EML1: variants seen among roughly 807,000 people sequenced by gnomAD.
EML1 encodes EMAP like 1, also known as echinoderm microtubule-associated protein-like 1.
In EML1, 27 loss-of-function variants were observed where a neutral mutation model predicts 110.4. The ratio of observed to expected loss-of-function variants is 0.24; its 90% CI spans 0.18 to 0.34. The LOEUF (loss-of-function observed/expected upper bound fraction) is 0.34. Ranked by LOEUF, EML1 falls within the 10% of genes least tolerant of loss-of-function variation. The pLI is 1.00. For missense variants in EML1, 741 were observed against 1,030.9 expected (o/e 0.72, Z 3.85); for synonymous variants, 344 against 385.8 (o/e 0.89, Z 1.27).
In EML1 at chr14:99,939,400, A is replaced by G; in HGVS notation, c.2322+73A>G. ...CGTACACCCGACCTGTTTGGAGACTAAGTGGAAATGGGCTGTGAGCGACTG... is the reference window on the plus strand; with the variant it reads ...CGTACACCCGACCTGTTTGGAGACTGAGTGGAAATGGGCTGTGAGCGACTG... On this transcript the variant is annotated intron_variant, in intron 21 of 21. Coordinates refer to ENST00000262233, the MANE Select transcript of EML1 (RefSeq NM_004434.3). The surrounding 1 kb of genome is among the most constrained non-coding windows in gnomAD (Gnocchi z 4.2). 2 of 1,586,358 alleles carry G rather than the reference A, an allele frequency of 1.3e-6. No individual in the cohort carries two copies. Among genetic ancestry groups the G allele is most frequent in the South Asian group, 2.3e-5 (2 of 87,360 alleles).
chr14:99,756,071 A>G (rs887891384), intron 1 of EML1, among the ~76,000 whole-genome samples: 1 of 152,242 alleles, frequency 6.6e-6, no homozygotes, highest in African/African-American at 2.4e-5. Flanking sequence ...ATCTCACCCC[A>G]GGATGGCTTT....
At chr14:99,738,741 G>A (rs528604713) in intron 1 of EML1, among the ~76,000 whole-genome samples, 1 of 152,236 alleles carries the variant, frequency 6.6e-6, no homozygotes, top group Non-Finnish European at 1.5e-5. Flanking sequence ...GTGGGTGCCT[G>A]GGGTGCACTG....
chr14:99,760,461 G>A (rs761148606), intron 1 of EML1, among the ~76,000 whole-genome samples: 26 of 152,122 alleles, frequency 1.7e-4, no homozygotes, highest in Non-Finnish European at 2.8e-4. Context: ...ACTGGCTTTC[G>A]GCATGGAACC....
At chr14:99,867,422 C>T (rs1957507) in intron 3 of EML1, among the ~76,000 whole-genome samples, 53,896 of 151,966 alleles carry the variant, frequency 0.35, 10,385 homozygotes, top group African/African-American at 0.5. Context: ...CTTTGAGTAG[C>T]ATGGAGATTT....
At chr14:99,763,782 A>G (rs2057339547) in intron 1 of EML1, among the ~76,000 whole-genome samples, 2 of 152,184 alleles carry the variant, frequency 1.3e-5, no homozygotes, top group African/African-American at 4.8e-5. Flanking sequence ...AAACACAAGC[A>G]TGGATAATGA....
chr14:99,859,155 T>G (rs1487171339), intron 2 of EML1, among the ~76,000 whole-genome samples: 1 of 152,246 alleles, frequency 6.6e-6, no homozygotes, highest in African/African-American at 2.4e-5. Context: ...TTTAGAATGA[T>G]GAAAAAAATT....
intron 1 of EML1, among the ~76,000 whole-genome samples, chr14:99,844,043 G>A (rs1476954560): frequency 6.6e-6 from 1 of 152,120 alleles, no homozygotes; most frequent in Non-Finnish European, 1.5e-5. Flanking sequence ...CAGAACTACT[G>A]TCCATTCACA....
At chr14:99,910,402 G>A in intron 12 of EML1, 61 bp downstream of exon 12, 1 of 1,333,704 alleles carries the variant, frequency 7.5e-7, no homozygotes, top group Non-Finnish European at 1.1e-6. Flanking sequence ...GATCAAACAT[G>A]AGTGCTTTAA....
At chr14:99,866,067 TC>T (rs1218636737) in intron 3 of EML1, among the ~76,000 whole-genome samples, 27 of 152,288 alleles carry the variant, frequency 1.8e-4, no homozygotes, top group African/African-American at 6.3e-4. Context: ...AACAATGGAG[TC>T]TAAATATTGA....
At chr14:99,831,003 G>C (rs2058440707) in intron 1 of EML1, among the ~76,000 whole-genome samples, 2 of 152,154 alleles carry the variant, frequency 1.3e-5, no homozygotes, top group Non-Finnish European at 2.9e-5. Context: ...CCTGGATCAA[G>C]AATACTGTCC....
intron 3 of EML1, among the ~76,000 whole-genome samples, chr14:99,867,139 G>A (rs2059116503): frequency 6.6e-6 from 1 of 151,962 alleles, no homozygotes; most frequent in Non-Finnish European, 1.5e-5. Flanking sequence ...ATCATATTTT[G>A]TCTATACATT....
intron 12 of EML1, 87 bp downstream of exon 12, chr14:99,910,428 A>G (rs1156363659): frequency 3.8e-5 from 40 of 1,044,822 alleles, no homozygotes; most frequent in Non-Finnish European, 5.6e-5. Flanking sequence ...GTCTATTAAT[A>G]CAACGTACAG....
chr14:99,749,061 T>C (rs2057145606), intron 1 of EML1, among the ~76,000 whole-genome samples: 1 of 152,230 alleles, frequency 6.6e-6, no homozygotes, highest in South Asian at 2.1e-4. Flanking sequence ...TGTTCACCAG[T>C]GGACGGGCAT....
chr14:99,738,047 G>A (rs1209004655), intron 1 of EML1, among the ~76,000 whole-genome samples: 3 of 152,196 alleles, frequency 2.0e-5, no homozygotes, highest in South Asian at 2.1e-4. Context: ...GCTGGGTTCC[G>A]CCACACCCCC....
At chr14:99,739,647 C>CT (rs1168191944) in intron 1 of EML1, among the ~76,000 whole-genome samples, 4 of 152,140 alleles carry the variant, frequency 2.6e-5, no homozygotes, top group Admixed American at 6.5e-5. Context: ...ACGTGACGGT[C>CT]TTTTGTCTCT....
At chr14:99,870,502 C>G (rs1024680730) in intron 3 of EML1, among the ~76,000 whole-genome samples, 1 of 152,184 alleles carries the variant, frequency 6.6e-6, no homozygotes, top group African/African-American at 2.4e-5. Context: ...GTAGATGAAA[C>G]AGCGTTACAT....
At chr14:99,769,433 T>TG (rs1429497471), upstream of EML1, among the ~76,000 whole-genome samples, 1 of 152,210 alleles carries the variant, frequency 6.6e-6, no homozygotes, top group Admixed American at 6.5e-5. Context: ...TAGGCAGTGC[T>TG]GGCCCCAGCC....
rs1017963990 is a variant in EML1, at chr14:99,878,465, C to A, written c.384-20C>A. 3 of 1,596,970 alleles carry A rather than the reference C, an allele frequency of 1.9e-6. No homozygotes were observed. The highest frequency in any genetic ancestry group is 1.1e-5 in the South Asian group (1 of 87,912). The stretch of plus-strand genomic sequence containing the variant: ...GTCACGATATTAAGGAGTTCACTGT[C>A]ACTTCCATTCCACCCTTAGTAACAT... On this transcript the variant is annotated intron_variant, in intron 3 of 21. Transcript: ENST00000262233.
Position 99,936,715 on chromosome 14 carries a change from A to G in EML1, c.2095+381A>G, listed in dbSNP as rs573541142. On this transcript the variant is annotated intron_variant, in intron 19 of 21. Transcript: ENST00000262233. The surrounding 1 kb of genome is among the most constrained non-coding windows in gnomAD (Gnocchi z 5.5). ...GGGCCTGTAAAGGTGTTATCCTCACAGGAGGGACCATGAAGTCCATCCCCG... is the reference window on the plus strand; with the variant it reads ...GGGCCTGTAAAGGTGTTATCCTCACGGGAGGGACCATGAAGTCCATCCCCG... 6.6e-6 allele frequency among the ~76,000 whole-genome samples: 1 copy of G among 152,272 alleles called. No homozygotes were observed. The highest frequency in any genetic ancestry group is 1.9e-4 in the East Asian group (1 of 5,160).
Sources: gnomAD v4.1 joint callset for allele counts (sites outside exome capture counted in the v4.1 genomes callset) on GRCh38, gnomAD v4.1.1 for gene constraint, Gnocchi (gnomAD v3.1) non-coding constraint, MANE v1.5 for transcripts, NCBI Gene and HGNC (gene_info 2026-07-23, HGNC 2026-07-21) for gene names.